SGTB: variants seen among roughly 807,000 people sequenced by gnomAD.
The protein encoded by SGTB is small glutamine-rich tetratricopeptide repeat-containing protein beta.
In SGTB, 19 loss-of-function variants were observed where a neutral mutation model predicts 43.9. That is an observed-to-expected ratio of 0.43 (90% CI 0.30 to 0.63). The LOEUF (loss-of-function observed/expected upper bound fraction) is 0.63. Ranked by LOEUF, SGTB falls within the 30% of genes least tolerant of loss-of-function variation. The pLI is 0.12. For missense variants in SGTB, 304 were observed against 358.9 expected, an observed-to-expected ratio of 0.85 and a Z score of 1.24; for synonymous variants, 116 against 117.3, an observed-to-expected ratio of 0.99 and a Z score of 0.07.
At chr5:65,681,963 G>A (rs1490731071) in intron 6 of SGTB, among the ~76,000 whole-genome samples, 7 of 145,688 alleles carry the variant, frequency 4.8e-5, no homozygotes, top group African/African-American at 1.5e-4. Context: ...AAACAAGAGC[G>A]AAATTCCATC....
chr5:65,691,101 G>T (rs946663492), intron 5 of SGTB, among the ~76,000 whole-genome samples: 1 of 152,208 alleles, frequency 6.6e-6, no homozygotes, highest in African/African-American at 2.4e-5. Context: ...CACCATGGGA[G>T]AAGGAAGATA....
chr5:65,670,303 T>C lies in SGTB; in HGVS notation c.858A>G (p.Gln286=). 6.2e-7 allele frequency: 1 copy of C among 1,614,208 alleles called. No homozygotes were observed. Among genetic ancestry groups the C allele is most frequent in the South Asian group, 1.1e-5 (1 of 91,088 alleles). The change falls in exon 11 of 11, where the codon CAA becomes CAG. Residue 286 remains glutamine (Q), a synonymous_variant. Transcript: ENST00000381007. ...IQQQNPELIE[Q]LRNHIRSRSF... is the part of the protein sequence containing the mutation. Reference sequence around the variant, plus strand: ...ATCTGCTCCGGATGTGATTTCTCAGTTGCTCTATAAGTTCAGGATTTTGTT... The same window carrying C: ...ATCTGCTCCGGATGTGATTTCTCAGCTGCTCTATAAGTTCAGGATTTTGTT...
chr5:65,685,651 T>C (rs749595221), intron 5 of SGTB, among the ~76,000 whole-genome samples, 179 bp from the exon 6 acceptor site: 42 of 152,144 alleles, frequency 2.8e-4, no homozygotes, highest in Non-Finnish European at 5.4e-4. Context: ...GCTCAGAAAC[T>C]TCTGTGCAGA....
At chr5:65,694,912 T>C (rs1757689802) in intron 5 of SGTB, among the ~76,000 whole-genome samples, 1 of 151,776 alleles carries the variant, frequency 6.6e-6, no homozygotes, top group South Asian at 2.1e-4. Flanking sequence ...AGAAGAGGAA[T>C]AGGGTAGGAG....
At chr5:65,698,950 A>G (rs115936052) in intron 5 of SGTB, among the ~76,000 whole-genome samples, 2,789 of 152,306 alleles carry the variant, frequency 0.018, 70 homozygotes, top group African/African-American at 0.056. Flanking sequence ...AAATTAATAC[A>G]ACCTATATGG....
intron 4 of SGTB, among the ~76,000 whole-genome samples, chr5:65,704,919 G>A (rs1048020467): frequency 1.3e-5 from 2 of 152,204 alleles, no homozygotes; most frequent in African/African-American, 4.8e-5. Context: ...CCCTTCCAGA[G>A]TTAGACTCTT....
intron 5 of SGTB, among the ~76,000 whole-genome samples, chr5:65,694,566 C>T (rs1757682326): frequency 6.6e-6 from 1 of 152,096 alleles, no homozygotes; most frequent in Admixed American, 6.6e-5. Flanking sequence ...ACCTCCGCCT[C>T]CCGGATTCAA....
At chr5:65,696,139 A>G (rs1161301915) in intron 5 of SGTB, among the ~76,000 whole-genome samples, 1 of 152,178 alleles carries the variant, frequency 6.6e-6, no homozygotes, top group East Asian at 1.9e-4. Flanking sequence ...TGTGCCTTTT[A>G]TACTAAGCTC....
intron 4 of SGTB, 41 bp from the exon 5 acceptor site, chr5:65,704,419 C>G: frequency 7.3e-7 from 1 of 1,375,716 alleles, no homozygotes; most frequent in South Asian, 1.3e-5. Flanking sequence ...GTATAATATA[C>G]ATTAAAAACA....
chr5:65,681,537 T>C (rs530796532), intron 6 of SGTB, among the ~76,000 whole-genome samples: 1 of 152,322 alleles, frequency 6.6e-6, no homozygotes, highest in Non-Finnish European at 1.5e-5. Context: ...TTTTTCTCTT[T>C]ATCGGAACCT....
intron 1 of SGTB, 93 bp from the exon 2 acceptor site, chr5:65,720,922 G>A (rs1053278094): frequency 3.8e-6 from 5 of 1,312,256 alleles, no homozygotes; most frequent in Middle Eastern, 2.6e-4. Context: ...GTTATAAAGT[G>A]TATTAAAGGT....
intron 3 of SGTB, 52 bp from the exon 4 acceptor site, chr5:65,708,610 T>A (rs1757982181): frequency 2.9e-6 from 4 of 1,388,026 alleles, no homozygotes; most frequent in Non-Finnish European, 4.0e-6. Flanking sequence ...TAAAGAATCA[T>A]CCTAGAGTAC....
At chr5:65,722,131 G>C, upstream of SGTB, 1 of 191,374 alleles carries the variant, frequency 5.2e-6, no homozygotes. Flanking sequence ...CCCCTGGGGC[G>C]GGGCCGGACG....
intron 4 of SGTB, among the ~76,000 whole-genome samples, chr5:65,707,123 C>T (rs1757947068): frequency 1.3e-5 from 2 of 151,286 alleles, no homozygotes; most frequent in South Asian, 2.1e-4. Flanking sequence ...ATTCACCAGG[C>T]GTGGTGGCAC....
At chr5:65,672,550 A>G (rs948533211) in intron 8 of SGTB, among the ~76,000 whole-genome samples, 1 of 152,176 alleles carries the variant, frequency 6.6e-6, no homozygotes, top group Non-Finnish European at 1.5e-5. Context: ...CTGCTATCAG[A>G]CCAATTAAGC....
intron 3 of SGTB, among the ~76,000 whole-genome samples, chr5:65,712,211 C>T (rs1755516377): frequency 1.3e-5 from 2 of 152,260 alleles, no homozygotes; most frequent in East Asian, 1.9e-4. Context: ...GTGGCTGAGG[C>T]TGCAATGAGC....
rs538490437 is a variant in SGTB, at chr5:65,676,778, C to T, written c.681+3716G>A. 2.0e-5 allele frequency among the ~76,000 whole-genome samples: 3 copies of T among 152,134 alleles called. No homozygotes were observed. The South Asian group carries it at 6.2e-4, about 32-fold the overall frequency. On this transcript the variant is annotated intron_variant, in intron 8 of 10. Coordinates refer to ENST00000381007, the MANE Select transcript of SGTB (RefSeq NM_019072.3). ...AAGAATGAACTTCTTTGAATGAGAACAAAGATACAACATACCAGAATCTCA... is the reference window on the plus strand; with the variant it reads ...AAGAATGAACTTCTTTGAATGAGAATAAAGATACAACATACCAGAATCTCA...
At chr5:65,677,084 T>C (rs1165825278) in intron 8 of SGTB, among the ~76,000 whole-genome samples, 1 of 150,368 alleles carries the variant, frequency 6.7e-6, no homozygotes, top group East Asian at 1.9e-4. Flanking sequence ...CTAGCTATAC[T>C]AATGAAGAAA....
At chr5:65,672,060 G>T (rs1757169203) in intron 9 of SGTB, 62 bp from the exon 10 acceptor site, 15 of 1,595,210 alleles carry the variant, frequency 9.4e-6, no homozygotes, top group Middle Eastern at 3.3e-4. Context: ...TAGGACAACT[G>T]GACGAGGAAA....
Sources: gnomAD v4.1 joint callset for allele counts (sites outside exome capture counted in the v4.1 genomes callset) on GRCh38, gnomAD v4.1.1 for gene constraint, MANE v1.5 for transcripts, NCBI Gene and HGNC (gene_info 2026-07-23, HGNC 2026-07-21) for gene names.